Variants in PTPRD observed in about 807,000 individuals in gnomAD.
The protein encoded by PTPRD is protein tyrosine phosphatase receptor type D.
PTPRD carries 34 observed loss-of-function variants against 214.5 expected under a neutral mutation model. The ratio of observed to expected loss-of-function variants is 0.16; its 90% CI spans 0.12 to 0.21. PTPRD has a LOEUF of 0.21. Among genes scored for constraint, PTPRD ranks in the 10% least tolerant of loss-of-function variants. PTPRD has a pLI of 1.00. For missense variants in PTPRD, 2,545 were observed against 2,398.7 expected (o/e 1.06, Z -1.27); for synonymous variants, 1,128 against 845.7 (o/e 1.33, Z -5.79).
chr9:10,122,604 A>ACT (rs1317758956), intron 3 of PTPRD, among the ~76,000 whole-genome samples: 3 of 152,186 alleles, frequency 2.0e-5, no homozygotes, highest in African/African-American at 7.2e-5. Context: ...ATCAATAAAA[A>ACT]CTTGATTATC....
intron 3 of PTPRD, among the ~76,000 whole-genome samples, chr9:10,311,894 C>T (rs527542449): frequency 5.3e-5 from 8 of 152,050 alleles, no homozygotes; most frequent in African/African-American, 1.9e-4. Context: ...CAGGACTGCC[C>T]ATTGGGAGAG....
chr9:8,542,809 C>T (rs1301122841), intron 14 of PTPRD, among the ~76,000 whole-genome samples: 5 of 152,208 alleles, frequency 3.3e-5, no homozygotes, highest in African/African-American at 1.2e-4. Context: ...CACACGTGAG[C>T]TCAGCATCCT....
intron 2 of PTPRD, among the ~76,000 whole-genome samples, chr9:10,481,986 G>A (rs928717236): frequency 6.6e-6 from 1 of 151,924 alleles, no homozygotes; most frequent in Non-Finnish European, 1.5e-5. Flanking sequence ...GACTTTCAGA[G>A]GGGTACAAAA....
intron 34 of PTPRD, among the ~76,000 whole-genome samples, chr9:8,440,420 G>T (rs1179592627): frequency 6.6e-6 from 1 of 151,816 alleles, no homozygotes; most frequent in Non-Finnish European, 1.5e-5. Context: ...GGTTCAAGTG[G>T]TTCCCCTGCC....
At chr9:8,584,466 T>C (rs566142505) in intron 14 of PTPRD, among the ~76,000 whole-genome samples, 1 of 149,782 alleles carries the variant, frequency 6.7e-6, no homozygotes, top group Non-Finnish European at 1.5e-5. Context: ...AAAAAAAAAA[T>C]TTACATTCTT....
intron 12 of PTPRD, among the ~76,000 whole-genome samples, chr9:8,643,828 G>C (rs530369422): frequency 6.6e-6 from 1 of 152,220 alleles, no homozygotes; most frequent in Non-Finnish European, 1.5e-5. Context: ...GCCCCTTGGC[G>C]TGAGCAGCCT....
chr9:8,430,909 A>G (rs1590215522), intron 35 of PTPRD, among the ~76,000 whole-genome samples: 1 of 152,168 alleles, frequency 6.6e-6, no homozygotes, highest in East Asian at 1.9e-4. Flanking sequence ...CCTTGGTGTA[A>G]TTCTCGTTTG....
chr9:10,113,853 A>G (rs1161247726), intron 3 of PTPRD, among the ~76,000 whole-genome samples: 1 of 152,194 alleles, frequency 6.6e-6, no homozygotes, highest in African/African-American at 2.4e-5. Flanking sequence ...CATGGGCCAC[A>G]TTTTGATTAG....
intron 44 of PTPRD, among the ~76,000 whole-genome samples, chr9:8,321,759 T>G (rs1458454839): frequency 6.6e-6 from 1 of 151,780 alleles, no homozygotes; most frequent in Non-Finnish European, 1.5e-5. Flanking sequence ...AAAAGAAATA[T>G]CCAGGTAATT....
chr9:8,902,093 T>C (rs899620722), intron 11 of PTPRD, among the ~76,000 whole-genome samples: 2 of 152,014 alleles, frequency 1.3e-5, no homozygotes, highest in Non-Finnish European at 2.9e-5. Context: ...TATTTATGAG[T>C]CTATTACTGT....
At chr9:9,897,591 G>A (rs1396456240) in intron 5 of PTPRD, among the ~76,000 whole-genome samples, 1 of 151,576 alleles carries the variant, frequency 6.6e-6, no homozygotes, top group Non-Finnish European at 1.5e-5. Flanking sequence ...GTACTTTATT[G>A]TAAAATAAGC....
chr9:9,265,837 A>G (rs907157103), intron 9 of PTPRD, among the ~76,000 whole-genome samples: 1 of 151,552 alleles, frequency 6.6e-6, no homozygotes. Context: ...GACTGATAAA[A>G]CAACCAGGAA....
At chr9:8,454,879 T>C (rs568347546) in intron 33 of PTPRD, among the ~76,000 whole-genome samples, 1 of 151,526 alleles carries the variant, frequency 6.6e-6, no homozygotes, top group Admixed American at 6.6e-5. Context: ...CCATCACCTA[T>C]AAAATACTGC....
At chr9:9,074,382 T>C (rs996649110) in intron 10 of PTPRD, among the ~76,000 whole-genome samples, 2 of 152,120 alleles carry the variant, frequency 1.3e-5, no homozygotes, top group Non-Finnish European at 2.9e-5. Context: ...TTGATTCACA[T>C]ATACGCAAAT....
At chr9:10,424,617 GA>G (rs1180257479) in intron 2 of PTPRD, among the ~76,000 whole-genome samples, 2 of 151,844 alleles carry the variant, frequency 1.3e-5, no homozygotes, top group African/African-American at 4.8e-5. Context: ...ATAAAATGAG[GA>G]AAACCATGAC....
At position 9,731,751 on chromosome 9, in the gene PTPRD, T is replaced by C. The variant is rs191221063; in HGVS notation, c.-287+2782A>G. On this transcript the variant is annotated intron_variant, in intron 7 of 45. Transcript: ENST00000381196. ...GCATGTTCTCACTCATGGGTGGGAA[T>C]TGAACAATGAGAACACTTGGACACA... is the stretch of plus-strand genomic sequence containing the variant. Among the ~76,000 whole-genome samples, 9 of 152,224 alleles carry C rather than the reference T, an allele frequency of 5.9e-5. No individual in the cohort carries two copies. In the East Asian group the frequency reaches 1.4e-3, roughly 23 times the overall value.
chr9:9,058,283 G>A (rs1027677581), intron 10 of PTPRD, among the ~76,000 whole-genome samples: 1 of 151,916 alleles, frequency 6.6e-6, no homozygotes, highest in Non-Finnish European at 1.5e-5. Flanking sequence ...CTTATGCAAT[G>A]TCACAACCCA....
chr9:8,739,871 G>T (rs539848471), intron 11 of PTPRD, among the ~76,000 whole-genome samples: 1 of 152,240 alleles, frequency 6.6e-6, no homozygotes, highest in African/African-American at 2.4e-5. Context: ...TTACGTAAGG[G>T]GGAGTTTCCG....
At chr9:10,233,470 G>C (rs528565262) in intron 3 of PTPRD, among the ~76,000 whole-genome samples, 4 of 151,754 alleles carry the variant, frequency 2.6e-5, no homozygotes, top group African/African-American at 9.7e-5. Flanking sequence ...AAGTCCAACA[G>C]CTTGAGATCT....
Sources: allele counts gnomAD v4.1 joint callset (sites outside exome capture counted in the v4.1 genomes callset), GRCh38; gene constraint gnomAD v4.1.1; transcripts MANE v1.5; gene names NCBI Gene and HGNC (gene_info 2026-07-23, HGNC 2026-07-21).